The following PSG8 variants were observed in gnomAD, a reference collection of about 807,000 sequenced individuals.
PSG8 encodes the protein pregnancy-specific beta-1-glycoprotein 8.
A neutral mutation model predicts 42.5 loss-of-function variants in PSG8; 57 were observed. The observed-to-expected ratio is 1.34, with a 90% CI of 1.08 to 1.67. PSG8 has a LOEUF of 1.67. Ranked by LOEUF, PSG8 falls within the 40% of genes most tolerant of loss-of-function variation. PSG8 has a pLI of 0.00. For missense variants in PSG8, 783 were observed against 518.6 expected, an observed-to-expected ratio of 1.51 and a Z score of -4.95; for synonymous variants, 280 against 196.8, an observed-to-expected ratio of 1.42 and a Z score of -3.54.
chr19:42,761,291 C>A (rs1023566472), intron 2 of PSG8, among the ~76,000 whole-genome samples: 15 of 152,172 alleles, frequency 9.9e-5, no homozygotes, highest in African/African-American at 3.6e-4. Flanking sequence ...AAAACTAACA[C>A]CCTTACTTTG....
downstream of PSG8, chr19:42,753,073 G>C (rs923923457): frequency 6.6e-6 from 4 of 601,744 alleles, no homozygotes; most frequent in Admixed American, 2.8e-5. Context: ...ACAGTTAAGA[G>C]GGGTGAGAGC....
chr19:42,764,318 C>T (rs1186574154), intron 1 of PSG8, 37 bp from the exon 2 acceptor site: 36 of 1,592,108 alleles, frequency 2.3e-5, no homozygotes, highest in Non-Finnish European at 2.9e-5. Flanking sequence ...ATATTGAGAG[C>T]TATGTATTGG....
At position 42,754,320 on chromosome 19, in the gene PSG8, G is replaced by A; in HGVS notation, c.1256C>T (p.Pro419Leu). ...MTVKVSGKRI[P>L]VSLAIGI ...CTAAATCCCTATTGCCAAGGATACT[G>A]GGATCCGCTTACCAGAGACTTTTAC... Residue 419 changes from proline to leucine, a missense_variant, in exon 5 of 5, where the codon CCA becomes CTA. Physicochemically the swap from Pro to Leu is moderately conservative, Grantham distance 98 (BLOSUM62 -3). Coordinates refer to ENST00000306511, the MANE Select transcript of PSG8 (RefSeq NM_182707.3). 4 of 1,613,738 alleles carry A rather than the reference G, an allele frequency of 2.5e-6. No individual in the cohort carries two copies. The highest frequency in any genetic ancestry group is 3.4e-6 in the Non-Finnish European group (4 of 1,179,764).
rs1970150215 is a variant in PSG8 at position 42,764,098 on chromosome 19, A to G, written c.248T>C (p.Val83Ala). 6.2e-7 allele frequency: 1 copy of G among 1,613,844 alleles called. No homozygotes were observed. The highest frequency in any genetic ancestry group is 1.1e-5 in the South Asian group (1 of 91,054). The part of the protein sequence containing the change: ...RDLYHYITSY[V>A]VDGQIIIYGP... ...ATATATAATTATTTGACCGTCTACTACATATGATGTAATGTAATGGTAGAG... is the reference window on the plus strand; with the variant it reads ...ATATATAATTATTTGACCGTCTACTGCATATGATGTAATGTAATGGTAGAG... The change falls in exon 2 of 5, where the codon GTA (valine) becomes GCA (alanine). Residue 83 changes from valine to alanine, a missense_variant. By Grantham distance (64) the Val-to-Ala change is moderately conservative. Transcript: ENST00000306511.
intron 2 of PSG8, 127 bp downstream of exon 2, chr19:42,763,789 C>T: frequency 1.3e-6 from 2 of 1,552,992 alleles, no homozygotes; most frequent in Non-Finnish European, 1.8e-6. Context: ...CACTAAATGC[C>T]CAAACCCCAG....
chr19:42,755,038 C>T lies in PSG8; in HGVS notation c.938G>A (p.Arg313Lys), dbSNP rs1315501297. 7 of 1,613,052 alleles carry T rather than the reference C, an allele frequency of 4.3e-6. No individual in the cohort carries two copies. The highest frequency in any genetic ancestry group is 2.2e-5 in the East Asian group (1 of 44,880). The change falls in exon 4 of 5, where the codon AGG (arginine) becomes AAG (lysine). Residue 313 changes from arginine (R) to lysine (K), a missense_variant. By Grantham distance (26) the Arg-to-Lys change is conservative. Transcript: ENST00000306511. The part of the protein sequence containing the change: ...NETGPYQCEI[R>K]DQYGGIRSYP... ...ACTGCGGATGCCACCATATTGGTCC[C>T]TTATTTCACATTGATAGGGTCCTGT...
downstream of PSG8, chr19:42,753,325 A>T (rs1969827672): frequency 3.8e-6 from 3 of 780,396 alleles, no homozygotes; most frequent in African/African-American, 1.7e-5. Context: ...TAGCGATTCC[A>T]TGGAAGAAAA....
At chr19:42,761,631 A>G (rs977367131) in intron 2 of PSG8, among the ~76,000 whole-genome samples, 5 of 152,014 alleles carry the variant, frequency 3.3e-5, no homozygotes, top group African/African-American at 4.8e-5. Context: ...CCCTCCGCCC[A>G]CATGATTCCA....
downstream of PSG8, chr19:42,754,052 A>T (rs1227679454): frequency 9.5e-7 from 1 of 1,055,678 alleles, no homozygotes; most frequent in Non-Finnish European, 1.4e-6. Context: ...AAATTTTCAA[A>T]TGAAAATCAT....
At chr19:42,759,540 T>C (rs1970021412) in intron 2 of PSG8, among the ~76,000 whole-genome samples, 1 of 152,154 alleles carries the variant, frequency 6.6e-6, no homozygotes, top group South Asian at 2.1e-4. Context: ...ATCTGAAAAA[T>C]TTAAAATGCA....
At chr19:42,762,777 C>T (rs1202705226) in intron 2 of PSG8, among the ~76,000 whole-genome samples, 3 of 152,084 alleles carry the variant, frequency 2.0e-5, no homozygotes, top group Non-Finnish European at 2.9e-5. Flanking sequence ...TTCTGGAGTA[C>T]AGACTAATCA....
chr19:42,762,326 C>T (rs1482600466), intron 2 of PSG8, among the ~76,000 whole-genome samples: 1 of 151,950 alleles, frequency 6.6e-6, no homozygotes, highest in East Asian at 1.9e-4. Flanking sequence ...CTCCACAGTC[C>T]AGGACCAAAG....
intron 3 of PSG8, chr19:42,755,612 G>A (rs959908084): frequency 5.1e-6 from 2 of 392,640 alleles, no homozygotes; most frequent in African/African-American, 4.0e-5. Context: ...TACCTGGAAT[G>A]TGCAACTGGT....
Position 42,760,200 on chromosome 19 carries a change from A to T in PSG8, c.431-1920T>A, listed in dbSNP as rs183031556. On this transcript the variant is annotated intron_variant, in intron 2 of 4. Coordinates refer to ENST00000306511, the MANE Select transcript of PSG8 (RefSeq NM_182707.3). ...AGTCTAAGTGAGATGGCAATGGCTC[A>T]TGTGTCTCCCCACACGCAGAACTCC... Among the ~76,000 whole-genome samples the T allele has an allele frequency of 6.1e-3, 925 of 151,996 alleles. 14 individuals are homozygous for T. Among genetic ancestry groups the T allele is most frequent in the African/African-American group, 0.022 (897 of 41,422 alleles).
rs1064489 is a variant in PSG8 at position 42,754,531 on chromosome 19, C to A, written c.1045G>T (p.Val349Phe). The A allele has an allele frequency of 6.2e-7, 1 of 1,613,752 alleles. No homozygotes were observed. The highest frequency in any genetic ancestry group is 1.1e-5 in the South Asian group (1 of 91,046). Residue 349 changes from valine to phenylalanine, a missense_variant, in exon 5 of 5, where the codon GTC (valine) becomes TTC (phenylalanine). By Grantham distance (50) the Val-to-Phe change is conservative. Transcript: ENST00000306511. The part of the protein sequence containing the change: ...PSFTYYRSGE[V>F]LYLSCSADSN... The stretch of plus-strand genomic sequence containing the variant: ...TCCGCAGAACAGGACAAGTAGAGGA[C>A]TTCTCCTGAACGGTAATAGGTGAAT...
chr19:42,764,603 C>G (rs1169335074), intron 1 of PSG8, among the ~76,000 whole-genome samples: 1 of 152,056 alleles, frequency 6.6e-6, no homozygotes, highest in East Asian at 1.9e-4. Flanking sequence ...TCAGGTCCTG[C>G]TCACATCAGG....
intron 1 of PSG8, 62 bp downstream of exon 1, chr19:42,765,456 G>T: frequency 6.3e-7 from 1 of 1,599,900 alleles, no homozygotes; most frequent in Non-Finnish European, 8.5e-7. Flanking sequence ...TACTCTCAAG[G>T]AGACCCCATC....
At chr19:42,753,667 A>C (rs111340764), downstream of PSG8, among the ~76,000 whole-genome samples, 8,684 of 152,178 alleles carry the variant, frequency 0.057, 295 homozygotes, top group Middle Eastern at 0.13. Flanking sequence ...CTTTTACAAA[A>C]CTCTTGAGAA....
intron 2 of PSG8, among the ~76,000 whole-genome samples, chr19:42,759,289 C>G (rs1441445404): frequency 2.0e-5 from 3 of 152,020 alleles, no homozygotes; most frequent in Non-Finnish European, 4.4e-5. Flanking sequence ...CAGAGTGAAT[C>G]AGAGAGTAGA....
Sources: allele counts gnomAD v4.1 joint callset (sites outside exome capture counted in the v4.1 genomes callset), GRCh38; gene constraint gnomAD v4.1.1; transcripts MANE v1.5; gene names NCBI Gene and HGNC (gene_info 2026-07-23, HGNC 2026-07-21).